Variants in BRWD1 observed in about 807,000 individuals in gnomAD.
BRWD1 encodes the protein bromodomain and WD repeat domain containing 1.
In BRWD1, 82 loss-of-function variants were observed where a neutral mutation model predicts 251.2. The observed-to-expected ratio is 0.33, with a 90% CI of 0.27 to 0.39. BRWD1 has a LOEUF of 0.39. BRWD1 is among the 10% of genes least tolerant of loss of function. The pLI is 1.00. For missense variants in BRWD1, 2,233 were observed against 2,711.6 expected (o/e 0.82, Z 3.92); for synonymous variants, 918 against 902.8 (o/e 1.02, Z -0.30).
At chr21:39,271,492 A>G (rs778408604) in intron 13 of BRWD1, among the ~76,000 whole-genome samples, 1 of 151,746 alleles carries the variant, frequency 6.6e-6, no homozygotes, top group Admixed American at 6.6e-5. Context: ...GATTGAGACC[A>G]TCCTGGCTAA....
At chr21:39,300,596 A>G (rs969926243) in intron 4 of BRWD1, among the ~76,000 whole-genome samples, 18 of 152,218 alleles carry the variant, frequency 1.2e-4, no homozygotes, top group Non-Finnish European at 2.5e-4. Flanking sequence ...TGTCTCACAC[A>G]CTAACTGCTT....
At position 39,186,926 on chromosome 21, in the gene BRWD1, G is replaced by A; in HGVS notation, c.*9333C>T. The A allele has an allele frequency of 6.7e-7, 1 of 1,483,556 alleles. No homozygotes were observed. The highest frequency in any genetic ancestry group is 2.6e-4 in the Middle Eastern group (1 of 3,902). 91.9% of individuals were successfully genotyped at this position (1,483,556 alleles called of 1,614,324 possible). On this transcript the variant is annotated 3_prime_UTR_variant, in exon 41 of 41. Transcript: ENST00000342449. ...GCTTTTAGAAAATTCCTCCAAAGAT[G>A]CCAATAAGGGAGTAATTTTAGAGCT...
intron 13 of BRWD1, among the ~76,000 whole-genome samples, chr21:39,271,696 C>CAAAAAA (rs34900726): frequency 8.4e-5 from 5 of 59,844 alleles, no homozygotes; most frequent in African/African-American, 1.4e-4. Flanking sequence ...GACTCCGTCT[C>CAAAAAA]AAAAAAAAAA....
intron 29 of BRWD1, 85 bp from the exon 30 acceptor site, chr21:39,218,745 T>A (rs2033054772): frequency 9.0e-7 from 1 of 1,106,044 alleles, no homozygotes; most frequent in African/African-American, 1.6e-5. Context: ...TTTTCATAGC[T>A]TATAAAACTA....
intron 20 of BRWD1, 48 bp downstream of exon 20, chr21:39,250,747 AT>A: frequency 8.6e-7 from 1 of 1,165,632 alleles, no homozygotes; most frequent in Admixed American, 2.5e-5. Context: ...AGAAAACTCT[AT>A]ATTTCAATGT....
chr21:39,258,291 G>A (rs978276880), intron 18 of BRWD1, among the ~76,000 whole-genome samples, 196 bp downstream of exon 18: 10 of 152,130 alleles, frequency 6.6e-5, no homozygotes, highest in African/African-American at 2.2e-4. Context: ...GGCTTCAGCA[G>A]TACTTGAAAT....
At chr21:39,316,614 G>A (rs1259652907), upstream of BRWD1, among the ~76,000 whole-genome samples, 1 of 152,148 alleles carries the variant, frequency 6.6e-6, no homozygotes, top group East Asian at 1.9e-4. Context: ...TCTGATACTG[G>A]CACCATGATA....
intron 9 of BRWD1, 103 bp from the exon 10 acceptor site, chr21:39,278,916 T>A: frequency 1.1e-6 from 1 of 949,588 alleles, no homozygotes; most frequent in Non-Finnish European, 1.5e-6. Context: ...TATAATTTTT[T>A]AAGAGACAGG....
chr21:39,200,150 A>G, intron 39 of BRWD1, 69 bp downstream of exon 39: 1 of 1,386,780 alleles, frequency 7.2e-7, no homozygotes, highest in Non-Finnish European at 9.9e-7. Context: ...TAAATCGAGA[A>G]TCTATTCAAT....
At chr21:39,306,993 A>G (rs1164493121) in intron 4 of BRWD1, among the ~76,000 whole-genome samples, 2 of 152,176 alleles carry the variant, frequency 1.3e-5, no homozygotes, top group Non-Finnish European at 2.9e-5. Flanking sequence ...AGCTGGGATT[A>G]CAGGCACCTG....
chr21:39,270,019 T>C lies in BRWD1; in HGVS notation c.1410A>G (p.Glu470=). 1 of 1,574,688 alleles carries C rather than the reference T, an allele frequency of 6.4e-7. No homozygotes were observed. The highest frequency in any genetic ancestry group is 8.6e-7 in the Non-Finnish European group (1 of 1,161,460). ...AGGGATGTGTCTCCAGAACAAATAC[T>C]TCATCAGCATGTCCCTTTATTTAAC... The part of the protein sequence containing the change: ...LLHNLMGHAD[E]VFVLETHPFD... Residue 470 remains glutamate (E), a synonymous_variant, in exon 15 of 41, where the codon GAA becomes GAG. Coordinates refer to ENST00000342449, the MANE Select transcript of BRWD1 (RefSeq NM_033656.4).
chr21:39,201,944 G>A (rs80053496), intron 38 of BRWD1, among the ~76,000 whole-genome samples: 2,093 of 152,320 alleles, frequency 0.014, 21 homozygotes, highest in Non-Finnish European at 0.022. Context: ...GTTAGCATCA[G>A]CTACAGTTAT....
chr21:39,209,849 A>G (rs1174799647), intron 36 of BRWD1, 146 bp downstream of exon 36: 5 of 777,140 alleles, frequency 6.4e-6, no homozygotes, highest in African/African-American at 3.5e-5. Context: ...TCTTTTCTTT[A>G]TAATAGTCTT....
At chr21:39,308,274 G>A (rs960838973) in intron 4 of BRWD1, among the ~76,000 whole-genome samples, 4 of 152,076 alleles carry the variant, frequency 2.6e-5, no homozygotes, top group African/African-American at 4.8e-5. Context: ...TGAAGGTCAG[G>A]AGTTCGAGAC....
rs118147046 is a variant in BRWD1, at chr21:39,198,811, A to C, written c.5605T>G (p.Leu1869Val). 1.1e-3 allele frequency: 1,809 copies of C among 1,603,566 alleles called. 2 individuals are homozygous for C. Among genetic ancestry groups the C allele is most frequent in the Non-Finnish European group, 1.5e-3 (1,722 of 1,176,928 alleles). Residue 1869 changes from leucine (L) to valine (V), a missense_variant, in exon 40 of 41, where the codon TTA becomes GTA. Around this residue, in one of 12 missense-constraint regions of BRWD1, gnomAD observed 928 missense variants for 970.0 expected, o/e 0.96. Transcript: ENST00000342449. ...CSSDHGCETD[L>V]DSDDDKIEKP... Reference sequence around the variant, plus strand: ...TCTATTTTGTCATCATCTGAATCTAAATCAGTTTCACATCCATGATCTGAG... The same window carrying C: ...TCTATTTTGTCATCATCTGAATCTACATCAGTTTCACATCCATGATCTGAG...
chr21:39,268,442 CAAAA>C (rs35682732), intron 15 of BRWD1, among the ~76,000 whole-genome samples: 3 of 109,264 alleles, frequency 2.7e-5, no homozygotes, highest in Admixed American at 9.7e-5. Context: ...ACTCCATCTC[CAAAA>C]AAAAAAAAAA....
intron 1 of BRWD1, among the ~76,000 whole-genome samples, chr21:39,319,200 G>T (rs368540320): frequency 6.6e-6 from 1 of 152,164 alleles, no homozygotes; most frequent in Non-Finnish European, 1.5e-5. Flanking sequence ...CTTTCCCACA[G>T]GACCTTTTCT....
chr21:39,188,626 C>T lies in BRWD1; in HGVS notation c.*7633G>A. 5.1e-6 allele frequency: 5 copies of T among 985,424 alleles called. No individual in the cohort carries two copies. Among genetic ancestry groups the T allele is most frequent in the South Asian group, 9.4e-5 (2 of 21,292 alleles). The allele number at this position is 985,424 out of a possible 1,614,324, so 61.0% of individuals were successfully genotyped here. A position where few individuals can be genotyped will look rare whatever the true frequency, so the allele number is the denominator to read the frequency against. ...AACTGCTTCTGTGGACTGACATGTTCATACAGCTAGACTAATGAGGCAGGC... is the reference window on the plus strand; with the variant it reads ...AACTGCTTCTGTGGACTGACATGTTTATACAGCTAGACTAATGAGGCAGGC... On this transcript the variant is annotated 3_prime_UTR_variant, in exon 41 of 41. Coordinates refer to ENST00000342449, the MANE Select transcript of BRWD1 (RefSeq NM_033656.4).
In BRWD1 at chr21:39,249,984, A is replaced by T. The variant is rs528934571; in HGVS notation, c.2349+812T>A. Among the ~76,000 whole-genome samples, 240 of 151,480 alleles carry T rather than the reference A, an allele frequency of 1.6e-3. 1 individual carries two copies. The highest frequency in any genetic ancestry group is 4.5e-3 in the African/African-American group (185 of 41,242). ...TACACACACACATAGATATATATAT[A>T]TTTTAACCCTAGAATTTCATTCTGG... On this transcript the variant is annotated intron_variant, in intron 20 of 40. Coordinates refer to ENST00000342449, the MANE Select transcript of BRWD1 (RefSeq NM_033656.4).
Sources: gnomAD v4.1 joint callset for allele counts (sites outside exome capture counted in the v4.1 genomes callset) on GRCh38, gnomAD v4.1.1 for gene constraint, gnomAD v4.1.1 regional missense constraint, MANE v1.5 for transcripts, NCBI Gene and HGNC (gene_info 2026-07-23, HGNC 2026-07-21) for gene names.